Variants in MYH4 observed in about 807,000 individuals in gnomAD.
The protein encoded by MYH4 is myosin heavy chain 4.
Under a neutral mutation model 229.9 loss-of-function variants are expected in MYH4, and 200 were observed. That is an observed-to-expected ratio of 0.87 (90% confidence interval 0.78 to 0.98). The LOEUF (loss-of-function observed/expected upper bound fraction) is 0.98. MYH4 is among the 50% of genes least tolerant of loss of function. The pLI is 0.00. For missense variants in MYH4, 2,148 were observed against 2,332.6 expected, an observed-to-expected ratio of 0.92 and a Z score of 1.63; for synonymous variants, 761 against 834.6, an observed-to-expected ratio of 0.91 and a Z score of 1.52.
At position 10,466,265 on chromosome 17, in the gene MYH4, G is replaced by T. The variant is rs756884040; in HGVS notation, c.348+8C>A. ...GTGAGTGAGAAATAGCGTTGAAAGG[G>T]TGCTCACGTAGATCATCCAGGCTGC... On this transcript the variant is annotated splice_region_variant and intron_variant, in intron 4 of 39. Coordinates refer to ENST00000255381, the MANE Select transcript of MYH4 (RefSeq NM_017533.2). 6.2e-7 allele frequency: 1 copy of T among 1,613,346 alleles called. No homozygotes were observed. The highest frequency in any genetic ancestry group is 8.5e-7 in the Non-Finnish European group (1 of 1,179,722).
rs369333277 is a variant in MYH4, at chr17:10,444,956, G to A, written c.5466+20C>T. Reference sequence around the variant, plus strand: ...GCTGTAACTGGCCACAAGGAATTGAGTGAAGTTGTGGAGACCTACCCTGGC... The same window carrying A: ...GCTGTAACTGGCCACAAGGAATTGAATGAAGTTGTGGAGACCTACCCTGGC... On this transcript the variant is annotated intron_variant, in intron 37 of 39. Coordinates refer to ENST00000255381, the MANE Select transcript of MYH4 (RefSeq NM_017533.2). 7 of 1,614,012 alleles carry A rather than the reference G, an allele frequency of 4.3e-6. No individual in the cohort carries two copies. The highest frequency in any genetic ancestry group is 4.0e-5 in the African/African-American group (3 of 74,914).
At position 10,448,531 on chromosome 17, in the gene MYH4, A is replaced by G; in HGVS notation, c.4532-11T>C. 2 of 1,611,410 alleles carry G rather than the reference A, an allele frequency of 1.2e-6. No individual in the cohort carries two copies. Among genetic ancestry groups the G allele is most frequent in the South Asian group, 1.1e-5 (1 of 90,564 alleles). The stretch of plus-strand genomic sequence containing the variant: ...GGTCAGAAATCTCCTCTGTAATAAT[A>G]AAGTACCAAATTTCAGTTAAGTAGA... On this transcript the variant is annotated splice_polypyrimidine_tract_variant and intron_variant, in intron 32 of 39. Coordinates refer to ENST00000255381, the MANE Select transcript of MYH4 (RefSeq NM_017533.2).
rs11651295 is a variant in MYH4 at position 10,452,054 on chromosome 17, C to A, written c.3625G>T (p.Glu1209Ter). ...KHADSVAELG[E>*]QIDSLQRVKQ... ...ACCCGCTGAAGGCTGTCAATCTGCT[C>A]CCCAAGCTCAGCCACACTATCTGCG... Residue 1209 changes from glutamate (E) to a stop codon, truncating the protein, a stop_gained, in exon 27 of 40, where the codon GAG (glutamate) becomes TAG (stop). Transcript: ENST00000255381. LOFTEE classifies it high-confidence loss of function. The A allele has an allele frequency of 5.0e-6, 8 of 1,613,500 alleles. No homozygotes were observed. Among genetic ancestry groups the A allele is most frequent in the Non-Finnish European group, 6.8e-6 (8 of 1,179,864 alleles).
In MYH4 at chr17:10,463,157, C is replaced by G; in HGVS notation, c.837G>C (p.Gln279His). 6.2e-7 allele frequency: 1 copy of G among 1,613,662 alleles called. No homozygotes were observed. The highest frequency in any genetic ancestry group is 1.7e-5 in the Admixed American group (1 of 60,024). Residue 279 changes from glutamine to histidine, a missense_variant, in exon 10 of 40, where the codon CAG becomes CAC. Gln to His is a conservative substitution (Grantham distance 24, BLOSUM62 0). Transcript: ENST00000255381. ...TGTGGTAGCTTCTTTCAGCCTTTAGCTGAAAAGTAACTCGGGACTTCTCTA... is the reference window on the plus strand; with the variant it reads ...TGTGGTAGCTTCTTTCAGCCTTTAGGTGAAAAGTAACTCGGGACTTCTCTA... ...YLLEKSRVTF[Q>H]LKAERSYHIF...
At position 10,454,544 on chromosome 17, in the gene MYH4, A is replaced by G. The variant is rs747768164; in HGVS notation, c.2691+11T>C. 5.6e-6 allele frequency: 9 copies of G among 1,613,156 alleles called. No homozygotes were observed. Among genetic ancestry groups the G allele is most frequent in the African/African-American group, 5.4e-5 (4 of 74,706 alleles). On this transcript the variant is annotated intron_variant, in intron 22 of 39. Coordinates refer to ENST00000255381, the MANE Select transcript of MYH4 (RefSeq NM_017533.2). Reference sequence around the variant, plus strand: ...ATAAGATGTGGCTGAACTGCAATGTATAATACTTACAGCTTGAACTTGGAG... The same window carrying G: ...ATAAGATGTGGCTGAACTGCAATGTGTAATACTTACAGCTTGAACTTGGAG...
Position 10,444,917 on chromosome 17 carries a change from C to T in MYH4, c.5467-18G>A, listed in dbSNP as rs150826087. ...TCTCTCACCTGGAAGGGAACAAAGA[C>T]GTTTACCAGTTTGGCTGTAACTGGC... On this transcript the variant is annotated intron_variant, in intron 37 of 39. Coordinates refer to ENST00000255381, the MANE Select transcript of MYH4 (RefSeq NM_017533.2). The T allele has an allele frequency of 2.1e-4, 337 of 1,614,120 alleles. 1 individual carries two copies. The African/African-American group carries it at 3.8e-3, about 18-fold the overall frequency.
chr17:10,453,532 G>C, intron 23 of MYH4, 111 bp downstream of exon 23: 1 of 1,577,392 alleles, frequency 6.3e-7, no homozygotes, highest in Non-Finnish European at 8.7e-7. Flanking sequence ...AGATGAAATA[G>C]TTATGACAGT....
intron 23 of MYH4, 137 bp from the exon 24 acceptor site, chr17:10,453,465 G>T (rs1002235519): frequency 8.4e-6 from 13 of 1,552,918 alleles, no homozygotes; most frequent in East Asian, 4.5e-5. Context: ...GCCTATAATG[G>T]CTGAAAAAAT....
In MYH4 at chr17:10,466,778, G is replaced by T; in HGVS notation, c.-33C>A. 6.2e-7 allele frequency: 1 copy of T among 1,611,866 alleles called. No individual in the cohort carries two copies. Among genetic ancestry groups the T allele is most frequent in the South Asian group, 1.1e-5 (1 of 91,020 alleles). On this transcript the variant is annotated 5_prime_UTR_variant, in exon 3 of 40. Coordinates refer to ENST00000255381, the MANE Select transcript of MYH4 (RefSeq NM_017533.2). The stretch of plus-strand genomic sequence containing the variant: ...GGTTATTGATGGCAGTACTGGACTA[G>T]GTATACCTAGAGGAAGAAACAGAGC...
intron 7 of MYH4, 73 bp downstream of exon 7, chr17:10,464,399 A>G: frequency 1.6e-6 from 2 of 1,243,108 alleles, no homozygotes; most frequent in Non-Finnish European, 2.3e-6. Context: ...TTCTGTATAC[A>G]GTCTACTGTT....
At position 10,459,326 on chromosome 17, in the gene MYH4, G is replaced by C. The variant is rs752519020; in HGVS notation, c.1512C>G (p.Tyr504Ter). ...HHMFVLEQEE[Y>*]KKEGIEWEFI... is the part of the protein sequence containing the mutation. Reference sequence around the variant, plus strand: ...ACTCCCACTCGATGCCTTCCTTCTTGTACTCTTCCTGCTCCAGCACGAACA... The same window carrying C: ...ACTCCCACTCGATGCCTTCCTTCTTCTACTCTTCCTGCTCCAGCACGAACA... The change falls in exon 15 of 40, where the codon TAC becomes TAG. Residue 504 changes from tyrosine (Y) to a stop codon, truncating the protein, a stop_gained. Coordinates refer to ENST00000255381, the MANE Select transcript of MYH4 (RefSeq NM_017533.2). LOFTEE classifies it high-confidence loss of function. The C allele has an allele frequency of 1.2e-6, 2 of 1,614,118 alleles. No individual in the cohort carries two copies. Among genetic ancestry groups the C allele is most frequent in the Non-Finnish European group, 1.7e-6 (2 of 1,180,026 alleles).
intron 24 of MYH4, 84 bp from the exon 25 acceptor site, chr17:10,453,016 A>T: frequency 6.3e-7 from 1 of 1,584,600 alleles, no homozygotes. Context: ...ATAAGAAAAA[A>T]ATTTAAAGAT....
At chr17:10,462,087 T>G (rs894554691) in intron 11 of MYH4, among the ~76,000 whole-genome samples, 1 of 152,214 alleles carries the variant, frequency 6.6e-6, no homozygotes, top group Admixed American at 6.5e-5. Flanking sequence ...AATGAATTAT[T>G]GACTTCTTGA....
chr17:10,445,123 C>A lies in MYH4; in HGVS notation c.5319G>T (p.Leu1773=). 1 of 1,614,196 alleles carries A rather than the reference C, an allele frequency of 6.2e-7. No homozygotes were observed. Among genetic ancestry groups the A allele is most frequent in the Non-Finnish European group, 8.5e-7 (1 of 1,180,028 alleles). The change falls in exon 37 of 40, where the codon CTG becomes CTT. Residue 1773 remains leucine, a synonymous_variant. Transcript: ENST00000255381. The stretch of plus-strand genomic sequence containing the variant: ...GGGCGCTGGTGTCCTGTTCCTTCTT[C>A]AGCTCCTCAGCCATCATGGCAGCCT... ...ITDAAMMAEE[L]KKEQDTSAHL...
rs538270849 is a variant in MYH4, at chr17:10,444,686, C to A, written c.5585G>T (p.Arg1862Leu). 2.5e-6 allele frequency: 4 copies of A among 1,613,808 alleles called. No homozygotes were observed. Among genetic ancestry groups the A allele is most frequent in the Non-Finnish European group, 3.4e-6 (4 of 1,179,914 alleles). ...KELTYQTEEDRKNILRLQDLV... is the reference protein window; with the variant it reads ...KELTYQTEEDLKNILRLQDLV... ...GTCCTGCAGCCTGAGAATATTCTTG[C>A]GGTCCTCCTCAGTCTGAAAGAGGTG... is the stretch of plus-strand genomic sequence containing the variant. The change falls in exon 39 of 40, where the codon CGC becomes CTC. Residue 1862 changes from arginine (R) to leucine (L), a missense_variant. By Grantham distance (102) the Arg-to-Leu change is moderately radical. Transcript: ENST00000255381.
At chr17:10,455,511 T>C in intron 19 of MYH4, 103 bp downstream of exon 19, 1 of 1,467,936 alleles carries the variant, frequency 6.8e-7, no homozygotes. Context: ...AATTTTCAAA[T>C]AATTGCATGT....
chr17:10,445,511 C>T (rs2072502558), intron 35 of MYH4, 149 bp from the exon 36 acceptor site: 1 of 1,068,204 alleles, frequency 9.4e-7, no homozygotes, highest in African/African-American at 1.6e-5. Context: ...AAGTTTATGC[C>T]TTTTCTCCTT....
rs767749646 is a variant in MYH4, at chr17:10,457,692, A to G, written c.1625T>C (p.Met542Thr). 8.1e-6 allele frequency: 13 copies of G among 1,614,172 alleles called. No individual in the cohort carries two copies. Among genetic ancestry groups the G allele is most frequent in the Non-Finnish European group, 1.1e-5 (13 of 1,179,996 alleles). The change falls in exon 16 of 40, where the codon ATG becomes ACG. Residue 542 changes from methionine (M) to threonine (T), a missense_variant. Physicochemically the swap from Met to Thr is moderately conservative, Grantham distance 81. Coordinates refer to ENST00000255381, the MANE Select transcript of MYH4 (RefSeq NM_017533.2). ...GGAGGTGTCTGTTGCCTTGGGGAACATGCACTCCTCTTCTAGGATGGAGAA... is the reference window on the plus strand; with the variant it reads ...GGAGGTGTCTGTTGCCTTGGGGAACGTGCACTCCTCTTCTAGGATGGAGAA... ...GIFSILEEECMFPKATDTSFK... is the reference protein window; with the variant it reads ...GIFSILEEECTFPKATDTSFK...
Position 10,455,311 on chromosome 17 carries a change from G to T in MYH4, c.2175-16C>A, listed in dbSNP as rs1384511730. 1.3e-6 allele frequency: 2 copies of T among 1,599,652 alleles called. No individual in the cohort carries two copies. Among genetic ancestry groups the T allele is most frequent in the Admixed American group, 1.8e-5 (1 of 56,680 alleles). ...AACCTTGTATCTGTCAGAATAAAAA[G>T]AATATAAAAATGTGGTTTTTCTTCA... On this transcript the variant is annotated splice_polypyrimidine_tract_variant and intron_variant, in intron 19 of 39. Coordinates refer to ENST00000255381, the MANE Select transcript of MYH4 (RefSeq NM_017533.2).
Sources: allele counts gnomAD v4.1 joint callset (sites outside exome capture counted in the v4.1 genomes callset), GRCh38; gene constraint gnomAD v4.1.1; transcripts MANE v1.5; gene names NCBI Gene and HGNC (gene_info 2026-07-23, HGNC 2026-07-21).